Variants in KLHL26 observed in about 807,000 individuals in gnomAD.
KLHL26 encodes kelch-like protein 26.
Under a neutral mutation model 7.1 loss-of-function variants are expected in KLHL26, and 4 were observed. That is an observed-to-expected ratio of 0.56 (90% confidence interval 0.28 to 1.28). KLHL26 has a LOEUF of 1.28. Ranked by LOEUF, KLHL26 falls within the 50% of genes most tolerant of loss-of-function variation. The pLI is 0.11. For synonymous variants in KLHL26, 465 were observed against 414.1 expected (o/e 1.12, Z -1.49); for missense variants, 896 against 924.6 (o/e 0.97, Z 0.40).
At position 18,668,964 on chromosome 19, in the gene KLHL26, T is replaced by G; in HGVS notation, c.1567T>G (p.Cys523Gly). The change falls in exon 3 of 3, where the codon TGC becomes GGC. Residue 523 changes from cysteine (C) to glycine (G), a missense_variant. Transcript: ENST00000300976. ...LGGRMDHVDR[C>G]FDVLAVEYYV... Reference sequence around the variant, plus strand: ...GGGCCGCATGGACCACGTGGACCGCTGCTTCGACGTGCTGGCTGTGGAGTA... The same window carrying G: ...GGGCCGCATGGACCACGTGGACCGCGGCTTCGACGTGCTGGCTGTGGAGTA... The G allele has an allele frequency of 6.2e-7, 1 of 1,611,854 alleles. No individual in the cohort carries two copies. Among genetic ancestry groups the G allele is most frequent in the East Asian group, 2.2e-5 (1 of 44,886 alleles).
intron 1 of KLHL26, among the ~76,000 whole-genome samples, chr19:18,647,222 T>C (rs1419725949): frequency 2.6e-5 from 4 of 152,232 alleles, no homozygotes; most frequent in African/African-American, 9.6e-5. Flanking sequence ...AGCTGGACTG[T>C]TTCCACCTGG....
At chr19:18,663,512 T>C (rs573178073) in intron 1 of KLHL26, among the ~76,000 whole-genome samples, 17 of 152,290 alleles carry the variant, frequency 1.1e-4, no homozygotes, top group African/African-American at 2.2e-4. Context: ...CCCGCATTCC[T>C]GGCCTTTGCT....
At position 18,664,368 on chromosome 19, in the gene KLHL26, ATGT is replaced by A; in HGVS notation, c.195_197del (p.Val66del). On this transcript the variant is annotated inframe_deletion, in exon 2 of 3. Transcript: ENST00000300976. ...CTCCGCGCTCAGGGCCAGCTCCTCG[ATGT>A]TGTGCTGACTATTAACAGAGAGGCC... is the stretch of plus-strand genomic sequence containing the variant. 2.5e-6 allele frequency: 4 copies of A among 1,609,838 alleles called. No homozygotes were observed. The highest frequency in any genetic ancestry group is 3.4e-6 in the Non-Finnish European group (4 of 1,179,800).
In KLHL26 at chr19:18,669,521, G is replaced by A. The variant is rs1348712120; in HGVS notation, c.*276G>A. On this transcript the variant is annotated 3_prime_UTR_variant, in exon 3 of 3. Transcript: ENST00000300976. ...GGGGTGGTTTCCTCGCCTGGCCCCC[G>A]AGTCCCCACGGGCTGGCGGGTGGAA... 8.8e-6 allele frequency: 5 copies of A among 567,182 alleles called. No individual in the cohort carries two copies. Among genetic ancestry groups the A allele is most frequent in the Admixed American group, 3.4e-5 (1 of 29,636 alleles). The allele number at this position is 567,182 out of a possible 1,614,324, so 35.1% of individuals were successfully genotyped here.
At chr19:18,652,580 A>C (rs1600693468) in intron 1 of KLHL26, among the ~76,000 whole-genome samples, 5 of 100,942 alleles carry the variant, frequency 5.0e-5, no homozygotes, top group African/African-American at 8.2e-5. Flanking sequence ...ACAGAGCCAG[A>C]CTCCATCTCA....
chr19:18,650,851 G>T lies in KLHL26; in HGVS notation c.84-13410G>T, dbSNP rs181085973. On this transcript the variant is annotated intron_variant, in intron 1 of 2. Transcript: ENST00000300976. The surrounding 1 kb of genome is among the most constrained non-coding windows in gnomAD (Gnocchi z 4.2). ...GGGGCTGCGGCTGGGGATGGCCGCCGCCCACTCGCCCTCAGAATGGCCCTC... is the reference window on the plus strand; with the variant it reads ...GGGGCTGCGGCTGGGGATGGCCGCCTCCCACTCGCCCTCAGAATGGCCCTC... Among the ~76,000 whole-genome samples the T allele has an allele frequency of 6.6e-6, 1 of 152,118 alleles. No individual in the cohort carries two copies. The highest frequency in any genetic ancestry group is 1.5e-5 in the Non-Finnish European group (1 of 68,008).
At chr19:18,664,119 G>T in intron 1 of KLHL26, 142 bp from the exon 2 acceptor site, 14 of 468,328 alleles carry the variant, frequency 3.0e-5, no homozygotes, top group Non-Finnish European at 3.3e-5. Context: ...CTGCGGATTT[G>T]CCTGTTCTGG....
chr19:18,637,442 G>A (rs1156966152), intron 1 of KLHL26, among the ~76,000 whole-genome samples: 1 of 152,094 alleles, frequency 6.6e-6, no homozygotes, highest in Admixed American at 6.6e-5. Flanking sequence ...TGGGGCAACT[G>A]GGGATGCCAA....
chr19:18,660,386 T>C (rs1264535904), intron 1 of KLHL26, among the ~76,000 whole-genome samples: 1 of 152,222 alleles, frequency 6.6e-6, no homozygotes, highest in African/African-American at 2.4e-5. Context: ...CAATGGCCTC[T>C]TGAGACGGCC....
At chr19:18,667,504 C>A (rs1318862075) in intron 2 of KLHL26, 160 bp from the exon 3 acceptor site, 1 of 1,301,840 alleles carries the variant, frequency 7.7e-7, no homozygotes. Context: ...GCGCCCGGCC[C>A]CTTTGCATGT....
Position 18,637,061 on chromosome 19 carries a change from G to C in KLHL26, c.7G>C (p.Glu3Gln). 2 of 1,375,178 alleles carry C rather than the reference G, an allele frequency of 1.5e-6. No individual in the cohort carries two copies. The highest frequency in any genetic ancestry group is 1.7e-5 in the South Asian group (1 of 59,666). The allele number at this position is 1,375,178 out of a possible 1,614,324, so 85.2% of individuals were successfully genotyped here. A position where few individuals can be genotyped will look rare whatever the true frequency, so the allele number is the denominator to read the frequency against. The change falls in exon 1 of 3, where the codon GAG becomes CAG. Residue 3 changes from glutamate to glutamine, a missense_variant. Physicochemically the swap from Glu to Gln is conservative, Grantham distance 29. Coordinates refer to ENST00000300976, the MANE Select transcript of KLHL26 (RefSeq NM_018316.3). ...GCGCGACGGCGGGGGGAAGATGGCG[G>C]AGTCCGGCGGTAGCAGCGGTGGTGC... MA[E>Q]SGGSSGGAGG... is the part of the protein sequence containing the mutation.
At chr19:18,658,575 C>T (rs142479332) in intron 1 of KLHL26, among the ~76,000 whole-genome samples, 7 of 149,898 alleles carry the variant, frequency 4.7e-5, no homozygotes, top group Admixed American at 1.3e-4. Context: ...GGGTCTCTGT[C>T]TCCCTCTCCG....
rs2145395174 is a variant in KLHL26 at position 18,656,511 on chromosome 19, T to TC, written c.84-7746dup. 6.6e-6 allele frequency among the ~76,000 whole-genome samples: 1 copy of TC among 151,938 alleles called. No individual in the cohort carries two copies. The highest frequency in any genetic ancestry group is 2.1e-4 in the South Asian group (1 of 4,814). On this transcript the variant is annotated intron_variant, in intron 1 of 2. Coordinates refer to ENST00000300976, the MANE Select transcript of KLHL26 (RefSeq NM_018316.3). The surrounding 1 kb of genome is among the most constrained non-coding windows in gnomAD (Gnocchi z 4.4). ...AGATGCTCTGTCTCCTGTCATTCTG[T>TC]CCCCACCCAGCAGGCACAGACAGGC...
rs571983849 is a variant in KLHL26, at chr19:18,640,473, G to T, written c.83+3336G>T. Among the ~76,000 whole-genome samples, 5 of 151,712 alleles carry T rather than the reference G, an allele frequency of 3.3e-5. No homozygotes were observed. The South Asian group carries it at 8.4e-4, about 25-fold the overall frequency. ...GCCCAGGCTGGTCTTGAATTCCAGG[G>T]CTCAAGCAATCTTCCCACCTCTGCC... On this transcript the variant is annotated intron_variant, in intron 1 of 2. Transcript: ENST00000300976.
intron 1 of KLHL26, among the ~76,000 whole-genome samples, chr19:18,643,500 TAG>T (rs1976750662): frequency 6.6e-6 from 1 of 151,832 alleles, no homozygotes; most frequent in Non-Finnish European, 1.5e-5. Context: ...TTTTTTGAGA[TAG>T]AGTTTTGCTC....
chr19:18,663,779 G>A (rs1039846405), intron 1 of KLHL26, among the ~76,000 whole-genome samples: 17 of 151,676 alleles, frequency 1.1e-4, no homozygotes, highest in South Asian at 2.1e-4. Context: ...CTGGAGAAGA[G>A]GGGATGAGGG....
At position 18,667,933 on chromosome 19, in the gene KLHL26, C is replaced by T. The variant is rs763605370; in HGVS notation, c.536C>T (p.Ser179Leu). 10 of 1,611,100 alleles carry T rather than the reference C, an allele frequency of 6.2e-6. No individual in the cohort carries two copies. The highest frequency in any genetic ancestry group is 1.3e-5 in the African/African-American group (1 of 75,052). ...ATGGCCACCACCTTCAGCCTGGCCT[C>T]GCTGCGAGAGTCGGTGGATGCCTTC... is the stretch of plus-strand genomic sequence containing the variant. Reference protein sequence around the residue: ...GQMATTFSLASLRESVDAFTF... With the variant: ...GQMATTFSLALLRESVDAFTF... The change falls in exon 3 of 3, where the codon TCG becomes TTG. Residue 179 changes from serine to leucine, a missense_variant. By Grantham distance (145) the Ser-to-Leu change is moderately radical. Coordinates refer to ENST00000300976, the MANE Select transcript of KLHL26 (RefSeq NM_018316.3).
Position 18,669,417 on chromosome 19 carries a change from A to G in KLHL26, c.*172A>G, listed in dbSNP as rs1340458482. ...GGGTCCCTCCCTCCCTCCTTCCCAA[A>G]GCAGATCCTGGCTGCGAGTCCATCC... On this transcript the variant is annotated 3_prime_UTR_variant, in exon 3 of 3. Transcript: ENST00000300976. 2 of 601,410 alleles carry G rather than the reference A, an allele frequency of 3.3e-6. No individual in the cohort carries two copies. Among genetic ancestry groups the G allele is most frequent in the South Asian group, 2.0e-5 (1 of 50,080 alleles). 37.3% of individuals were successfully genotyped at this position (601,410 alleles called of 1,614,324 possible). A position where few individuals can be genotyped will look rare whatever the true frequency, so the allele number is the denominator to read the frequency against.
At chr19:18,642,536 G>T (rs1011453736) in intron 1 of KLHL26, among the ~76,000 whole-genome samples, 4 of 148,562 alleles carry the variant, frequency 2.7e-5, no homozygotes, top group African/African-American at 1.0e-4. Flanking sequence ...GGCTAATTTT[G>T]TATTTTTAGT....
Sources: allele counts gnomAD v4.1 joint callset (sites outside exome capture counted in the v4.1 genomes callset), GRCh38; gene constraint gnomAD v4.1.1; non-coding constraint Gnocchi (gnomAD v3.1); transcripts MANE v1.5; gene names NCBI Gene and HGNC (gene_info 2026-07-23, HGNC 2026-07-21).